Variants in PCCA observed in about 807,000 individuals in gnomAD.
PCCA encodes the protein propionyl-CoA carboxylase alpha chain, mitochondrial.
In PCCA, 74 loss-of-function variants were observed where a neutral mutation model predicts 101.3. That is an observed-to-expected ratio of 0.73 (90% CI 0.61 to 0.89). PCCA has a LOEUF of 0.89. Ranked by LOEUF, PCCA falls within the 40% of genes least tolerant of loss-of-function variation. The probability of loss-of-function intolerance (pLI) is 0.00; values close to 1 mark genes in which losing one functional copy is unlikely to be tolerated. For synonymous variants in PCCA, 294 were observed against 313.6 expected (o/e 0.94, Z 0.66); for missense variants, 891 against 907.0 (o/e 0.98, Z 0.23).
At chr13:100,164,792 A>G (rs115511451) in intron 6 of PCCA, among the ~76,000 whole-genome samples, 1 of 152,274 alleles carries the variant, frequency 6.6e-6, no homozygotes, top group African/African-American at 2.4e-5. Context: ...TCAGCTCCAG[A>G]ACTTTATAAT....
intron 22 of PCCA, among the ~76,000 whole-genome samples, chr13:100,520,949 A>G (rs2087238597): frequency 1.3e-5 from 2 of 152,164 alleles, no homozygotes; most frequent in Non-Finnish European, 2.9e-5. Flanking sequence ...ACCAAGATGT[A>G]AACTATCTTT....
At chr13:100,102,239 C>A (rs1299154610) in intron 1 of PCCA, among the ~76,000 whole-genome samples, 1 of 151,986 alleles carries the variant, frequency 6.6e-6, no homozygotes, top group Non-Finnish European at 1.5e-5. Flanking sequence ...CTCTGGGGCT[C>A]AAGTAATACT....
intron 6 of PCCA, among the ~76,000 whole-genome samples, chr13:100,190,577 A>G (rs1323374785): frequency 2.0e-5 from 3 of 152,172 alleles, no homozygotes; most frequent in Non-Finnish European, 4.4e-5. Flanking sequence ...TGGGAGGCTG[A>G]GGCGGGAGAA....
intron 12 of PCCA, among the ~76,000 whole-genome samples, chr13:100,279,947 T>C (rs1055531081): frequency 1.3e-5 from 2 of 152,068 alleles, no homozygotes; most frequent in African/African-American, 4.8e-5. Context: ...TTTTATTTTC[T>C]TTGAAATTTC....
At chr13:100,172,273 A>G (rs1476383078) in intron 6 of PCCA, among the ~76,000 whole-genome samples, 3 of 152,068 alleles carry the variant, frequency 2.0e-5, no homozygotes, top group Non-Finnish European at 4.4e-5. Flanking sequence ...AAACTTTTGA[A>G]GGAAGTTTAA....
At chr13:100,492,716 C>T (rs1596160601) in intron 21 of PCCA, among the ~76,000 whole-genome samples, 1 of 150,568 alleles carries the variant, frequency 6.6e-6, no homozygotes, top group South Asian at 2.1e-4. Context: ...TCCATATAAA[C>T]CCCAAACCCC....
At chr13:100,108,255 A>G (rs188451193) in intron 2 of PCCA, among the ~76,000 whole-genome samples, 3 of 152,334 alleles carry the variant, frequency 2.0e-5, no homozygotes, top group Admixed American at 1.3e-4. Context: ...AGATGACATT[A>G]TTAGTACAGT....
chr13:100,267,134 A>G (rs2062990952), intron 10 of PCCA, among the ~76,000 whole-genome samples: 1 of 152,176 alleles, frequency 6.6e-6, no homozygotes, highest in African/African-American at 2.4e-5. Context: ...TATGAATCTG[A>G]TATTTTATAG....
chr13:100,434,981 CT>C (rs1378060909), intron 20 of PCCA, among the ~76,000 whole-genome samples: 2 of 152,190 alleles, frequency 1.3e-5, no homozygotes, highest in South Asian at 4.1e-4. Flanking sequence ...GTAGCCTTGG[CT>C]AGCATCTGAC....
chr13:100,485,625 T>C (rs2152974295), intron 21 of PCCA, among the ~76,000 whole-genome samples: 1 of 152,332 alleles, frequency 6.6e-6, no homozygotes, highest in Non-Finnish European at 1.5e-5. Flanking sequence ...CTAAACGTAC[T>C]ACAAGGGTAT....
intron 16 of PCCA, among the ~76,000 whole-genome samples, chr13:100,317,281 T>C (rs952092208): frequency 3.3e-5 from 5 of 152,220 alleles, no homozygotes; most frequent in African/African-American, 1.2e-4. Flanking sequence ...TTTATTGTAA[T>C]ATATGAGCGA....
chr13:100,132,428 C>G (rs1238754364), intron 4 of PCCA, among the ~76,000 whole-genome samples: 1 of 150,264 alleles, frequency 6.7e-6, no homozygotes, highest in Admixed American at 6.6e-5. Context: ...CCTTTTGAGA[C>G]TGGCTACTTT....
chr13:100,239,968 C>T (rs1343831743), intron 8 of PCCA, among the ~76,000 whole-genome samples: 3 of 152,102 alleles, frequency 2.0e-5, no homozygotes, highest in Admixed American at 6.5e-5. Context: ...CCTCATCATC[C>T]TGTTGTAAAT....
chr13:100,443,080 G>A (rs2080497238), intron 20 of PCCA, among the ~76,000 whole-genome samples: 1 of 152,138 alleles, frequency 6.6e-6, no homozygotes, highest in Non-Finnish European at 1.5e-5. Flanking sequence ...TTAAATCATT[G>A]CAGGCCTTGG....
intron 19 of PCCA, among the ~76,000 whole-genome samples, chr13:100,424,453 C>A (rs1016708231): frequency 5.3e-5 from 8 of 152,088 alleles, no homozygotes; most frequent in African/African-American, 1.9e-4. Flanking sequence ...ATTCCTATCA[C>A]GATGTACTTG....
chr13:100,118,636 C>A (rs1331334929), intron 4 of PCCA, among the ~76,000 whole-genome samples: 1 of 152,028 alleles, frequency 6.6e-6, no homozygotes. Flanking sequence ...TGCAGCCTGA[C>A]TTCCTGGGCA....
At chr13:100,325,955 C>G (rs2068628334) in intron 16 of PCCA, among the ~76,000 whole-genome samples, 1 of 152,154 alleles carries the variant, frequency 6.6e-6, no homozygotes, top group South Asian at 2.1e-4. Context: ...AATTCAGTCT[C>G]TAGCTCAGAG....
chr13:100,152,185 G>A (rs1279693286), intron 4 of PCCA, among the ~76,000 whole-genome samples: 4 of 152,138 alleles, frequency 2.6e-5, no homozygotes, highest in Non-Finnish European at 5.9e-5. Flanking sequence ...CTGTGGGCTT[G>A]TTGAGATGTG....
At chr13:100,457,953 G>C (rs913307107) in intron 21 of PCCA, among the ~76,000 whole-genome samples, 3 of 152,136 alleles carry the variant, frequency 2.0e-5, no homozygotes, top group Admixed American at 6.5e-5. Flanking sequence ...AGCTGTAGTA[G>C]ACTGGGATCT....
Sources: gnomAD v4.1 joint callset for allele counts (sites outside exome capture counted in the v4.1 genomes callset) on GRCh38, gnomAD v4.1.1 for gene constraint, MANE v1.5 for transcripts, NCBI Gene and HGNC (gene_info 2026-07-23, HGNC 2026-07-21) for gene names.